MTMR6: variants seen among roughly 807,000 people sequenced by gnomAD.
MTMR6 encodes myotubularin related protein 6, also known as phosphatidylinositol-3,5-bisphosphate 3-phosphatase MTMR6.
Under a neutral mutation model 80.1 loss-of-function variants are expected in MTMR6, and 47 were observed. The observed-to-expected ratio is 0.59, with a 90% CI of 0.46 to 0.75. The LOEUF (loss-of-function observed/expected upper bound fraction) is 0.75. Ranked by LOEUF, MTMR6 falls within the 30% of genes least tolerant of loss-of-function variation. The pLI, the probability that MTMR6 is intolerant of heterozygous loss-of-function variation, is 0.00. For missense variants in MTMR6, 629 were observed against 730.9 expected (o/e 0.86, Z 1.61); for synonymous variants, 254 against 253.0 (o/e 1.00, Z -0.04).
intron 5 of MTMR6, among the ~76,000 whole-genome samples, chr13:25,263,840 T>C (rs1170778265): frequency 2.6e-5 from 4 of 152,086 alleles, no homozygotes; most frequent in South Asian, 2.1e-4. Flanking sequence ...GAGCCGAGAT[T>C]GTGCCACTGC....
intron 6 of MTMR6, chr13:25,260,732 T>C (rs549561198): frequency 1.0e-6 from 1 of 980,002 alleles, no homozygotes; most frequent in South Asian, 1.6e-5. Context: ...CCACTGAGGA[T>C]TTTAATTATT....
At chr13:25,261,274 C>T (rs1957331312) in intron 6 of MTMR6, among the ~76,000 whole-genome samples, 1 of 124,126 alleles carries the variant, frequency 8.1e-6, no homozygotes, top group African/African-American at 3.1e-5. Context: ...CACCACTGCA[C>T]TCCAGGGTGA....
At chr13:25,259,599 C>T (rs1957288085) in intron 6 of MTMR6, among the ~76,000 whole-genome samples, 1 of 152,080 alleles carries the variant, frequency 6.6e-6, no homozygotes, top group Non-Finnish European at 1.5e-5. Context: ...CACATTATTA[C>T]TACTTGAGTT....
At chr13:25,268,404 G>A (rs146695238) in intron 2 of MTMR6, among the ~76,000 whole-genome samples, 6 of 152,068 alleles carry the variant, frequency 3.9e-5, no homozygotes, top group African/African-American at 1.2e-4. Context: ...TCCCTCTCCC[G>A]ATCACTGACT....
chr13:25,260,635 A>C, intron 6 of MTMR6: 1 of 1,288,104 alleles, frequency 7.8e-7, no homozygotes. Flanking sequence ...AGAAATCCTC[A>C]CTATAATTCT....
chr13:25,283,029 T>C (rs1171895593), intron 1 of MTMR6, among the ~76,000 whole-genome samples: 1 of 151,930 alleles, frequency 6.6e-6, no homozygotes, highest in African/African-American at 2.4e-5. Context: ...CCCTCCCAAA[T>C]CTACTCAAGG....
At chr13:25,282,112 C>A (rs952116854) in intron 1 of MTMR6, among the ~76,000 whole-genome samples, 3 of 152,156 alleles carry the variant, frequency 2.0e-5, no homozygotes, top group African/African-American at 7.2e-5. Flanking sequence ...AGCAACCAGG[C>A]ATGCCCTCAA....
chr13:25,271,165 T>C (rs891291707), intron 2 of MTMR6, among the ~76,000 whole-genome samples: 2 of 152,048 alleles, frequency 1.3e-5, no homozygotes, highest in Non-Finnish European at 2.9e-5. Flanking sequence ...AGGATCTACA[T>C]TCTCTGCCTC....
intron 1 of MTMR6, among the ~76,000 whole-genome samples, chr13:25,278,871 C>T (rs867685888): frequency 3.3e-5 from 5 of 152,124 alleles, no homozygotes; most frequent in African/African-American, 7.2e-5. Flanking sequence ...AGTGACAGAG[C>T]GAGACTCTGT....
intron 5 of MTMR6, among the ~76,000 whole-genome samples, chr13:25,265,279 T>G (rs908022903): frequency 3.3e-5 from 5 of 152,156 alleles, no homozygotes; most frequent in African/African-American, 1.2e-4. Flanking sequence ...ATCCTATCTG[T>G]TAACTAATTC....
chr13:25,287,070 C>T (rs1957967749), intron 1 of MTMR6, among the ~76,000 whole-genome samples, 154 bp downstream of exon 1: 1 of 152,176 alleles, frequency 6.6e-6, no homozygotes, highest in Admixed American at 6.5e-5. Flanking sequence ...ACCCTGCCCT[C>T]CCAGACCAGG....
chr13:25,271,739 G>C (rs1187891489), intron 2 of MTMR6, among the ~76,000 whole-genome samples: 4 of 152,168 alleles, frequency 2.6e-5, no homozygotes, highest in Non-Finnish European at 4.4e-5. Context: ...GGCTCCATGA[G>C]GATAGAATTT....
intron 1 of MTMR6, among the ~76,000 whole-genome samples, chr13:25,286,978 T>C (rs9511742): frequency 0.93 from 141,134 of 152,178 alleles, 66,358 homozygotes; most frequent in East Asian, 1. Flanking sequence ...CAGACTTATC[T>C]CTACGCACTC....
At chr13:25,286,787 T>C (rs1247278086) in intron 1 of MTMR6, among the ~76,000 whole-genome samples, 1 of 151,256 alleles carries the variant, frequency 6.6e-6, no homozygotes, top group African/African-American at 2.4e-5. Flanking sequence ...ACTCGTACTG[T>C]GAATCTGTGA....
rs17082068 is a variant in MTMR6 at position 25,267,795 on chromosome 13, T to A, written c.288A>T (p.Leu96=). ...GAACAATACCTTGTTTTGACAGTTG[T>A]AGCAAAGAGTTGTAAATATCATGGC... is the stretch of plus-strand genomic sequence containing the variant. ...RDCHDIYNSL[L]QLSKQAKYED... is the part of the protein sequence containing the mutation. The change falls in exon 3 of 14, where the codon CTA becomes CTT. Residue 96 remains leucine (L), a synonymous_variant. Transcript: ENST00000381801. 1.1e-3 allele frequency: 1,818 copies of A among 1,613,532 alleles called. 18 individuals carry two copies. In the African/African-American group the frequency reaches 0.021, roughly 19 times the overall value.
rs1956983908 is a variant in MTMR6, at chr13:25,246,592, A to G, written c.*2640T>C. 6.6e-6 allele frequency: 1 copy of G among 152,582 alleles called. No individual in the cohort carries two copies. Among genetic ancestry groups the G allele is most frequent in the African/African-American group, 2.4e-5 (1 of 41,428 alleles). 9.5% of individuals were successfully genotyped at this position (152,582 alleles called of 1,614,324 possible). On this transcript the variant is annotated 3_prime_UTR_variant, in exon 14 of 14. Transcript: ENST00000381801. ...CATCACTTTCAATGGCAAAAGCCCCAATTACTTTTGCAGCAACTATATAGT... is the reference window on the plus strand; with the variant it reads ...CATCACTTTCAATGGCAAAAGCCCCGATTACTTTTGCAGCAACTATATAGT...
chr13:25,279,842 A>C (rs1467732109), intron 1 of MTMR6, among the ~76,000 whole-genome samples: 1 of 152,270 alleles, frequency 6.6e-6, no homozygotes, highest in Non-Finnish European at 1.5e-5. Flanking sequence ...ATCTGATGAA[A>C]AAAAAACCAT....
intron 11 of MTMR6, 28 bp downstream of exon 11, chr13:25,253,736 G>A (rs1957134481): frequency 6.3e-7 from 1 of 1,593,394 alleles, no homozygotes; most frequent in African/African-American, 1.3e-5. Context: ...AGGGGGAAAA[G>A]GAGACTCTTT....
At chr13:25,286,473 A>C (rs533208245) in intron 1 of MTMR6, among the ~76,000 whole-genome samples, 7 of 152,364 alleles carry the variant, frequency 4.6e-5, no homozygotes, top group Admixed American at 2.0e-4. Flanking sequence ...ATTTGGTAAC[A>C]TTCTGATGTC....
Sources: gnomAD v4.1 joint callset for allele counts (sites outside exome capture counted in the v4.1 genomes callset) on GRCh38, gnomAD v4.1.1 for gene constraint, MANE v1.5 for transcripts, NCBI Gene and HGNC (gene_info 2026-07-23, HGNC 2026-07-21) for gene names.